Variants in TRMT1 observed in about 807,000 individuals in gnomAD.
TRMT1 encodes tRNA methyltransferase 1.
TRMT1 carries 63 observed loss-of-function variants against 75.4 expected under a neutral mutation model. The observed-to-expected ratio is 0.84, with a 90% CI of 0.68 to 1.03. The LOEUF is 1.03. Among genes scored for constraint, TRMT1 ranks in the 50% least tolerant of loss-of-function variants. The pLI is 0.00. For synonymous variants in TRMT1, 382 were observed against 358.1 expected (o/e 1.07, Z -0.75); for missense variants, 870 against 905.3 (o/e 0.96, Z 0.50).
chr19:13,105,110 C>T (rs749771351), intron 16 of TRMT1, 29 bp from the exon 17 acceptor site: 10 of 1,559,150 alleles, frequency 6.4e-6, no homozygotes, highest in Admixed American at 5.5e-5. Context: ...GTGTGAACCC[C>T]TGCCCGGAGC....
In TRMT1 at chr19:13,109,367, C is replaced by G; in HGVS notation, c.1397+14G>C. On this transcript the variant is annotated intron_variant, in intron 12 of 16. Transcript: ENST00000357720. ...GGTCTGGGACAGGCTCCTCCCGACCCCAGGGGCTCTTACCGCAACTGCAGG... is the reference window on the plus strand; with the variant it reads ...GGTCTGGGACAGGCTCCTCCCGACCGCAGGGGCTCTTACCGCAACTGCAGG... 6.2e-7 allele frequency: 1 copy of G among 1,612,190 alleles called. No individual in the cohort carries two copies.
rs770329038 is a variant in TRMT1 at position 13,109,381 on chromosome 19, C to T, written c.1397G>A (p.Arg466Gln). ...TCCTCCCGACCCCAGGGGCTCTTAC[C>T]GCAACTGCAGGAGGCTTGGTGTGTT... ...HCNTPSLLQL[R>Q]SALLHADFRV... The change falls in exon 12 of 17, where the codon CGG (arginine) becomes CAG (glutamine). Residue 466 changes from arginine to glutamine, a missense_variant and splice_region_variant. By Grantham distance (43) the Arg-to-Gln change is conservative. Transcript: ENST00000357720. 1.6e-5 allele frequency: 25 copies of T among 1,612,298 alleles called. No homozygotes were observed. Among genetic ancestry groups the T allele is most frequent in the South Asian group, 8.8e-5 (8 of 90,978 alleles).
chr19:13,107,072 G>A (rs1286947102), intron 14 of TRMT1, among the ~76,000 whole-genome samples: 2 of 147,620 alleles, frequency 1.4e-5, no homozygotes, highest in Non-Finnish European at 3.0e-5. Flanking sequence ...TCCTGATCTC[G>A]TGATCCGCCT....
At chr19:13,110,464 C>A (rs1006668501) in intron 7 of TRMT1, among the ~76,000 whole-genome samples, 158 bp from the exon 8 acceptor site, 1 of 152,242 alleles carries the variant, frequency 6.6e-6, no homozygotes, top group Non-Finnish European at 1.5e-5. Flanking sequence ...AAGTGAGTAT[C>A]CCCTCTCTGT....
Position 13,105,591 on chromosome 19 carries a change from G to A in TRMT1, c.1599C>T (p.Phe533=), listed in dbSNP as rs1259274719. 6.2e-7 allele frequency: 1 copy of A among 1,613,682 alleles called. No individual in the cohort carries two copies. Among genetic ancestry groups the A allele is most frequent in the Non-Finnish European group, 8.5e-7 (1 of 1,179,888 alleles). ...LSVEPRLQAN[F]TIREDANPSS... is the part of the protein sequence containing the mutation. ...TGGGGTTGGCATCTTCCCGGATGGTGAAGTTGGCCTGCAGCCTAGGGAAGC... is the reference window on the plus strand; with the variant it reads ...TGGGGTTGGCATCTTCCCGGATGGTAAAGTTGGCCTGCAGCCTAGGGAAGC... The change falls in exon 15 of 17, where the codon TTC becomes TTT. Residue 533 remains phenylalanine, a synonymous_variant. Transcript: ENST00000357720.
At position 13,115,307 on chromosome 19, in the gene TRMT1, G is replaced by A; in HGVS notation, c.613C>T (p.Leu205=). The change falls in exon 5 of 17, where the codon CTG becomes TTG. Residue 205 remains leucine (L), a synonymous_variant. Transcript: ENST00000357720. The part of the protein sequence containing the change: ...RNVQLNDVAH[L]VQPSQADARM... The stretch of plus-strand genomic sequence containing the variant: ...GCATCTGCTTGGCTCGGCTGTACCA[G>A]GTGGGCCACGTCATTGAGCTGGACA... 1.9e-6 allele frequency: 3 copies of A among 1,613,648 alleles called. No homozygotes were observed. Among genetic ancestry groups the A allele is most frequent in the Non-Finnish European group, 2.5e-6 (3 of 1,179,842 alleles).
In TRMT1 at chr19:13,115,662, G is replaced by A; in HGVS notation, c.417C>T (p.Asp139=). 1.2e-6 allele frequency: 2 copies of A among 1,613,986 alleles called. No individual in the cohort carries two copies. The highest frequency in any genetic ancestry group is 1.7e-6 in the Non-Finnish European group (2 of 1,180,020). ...CCCCCACGGCCGCTGTGCGAGGTTG[G>A]TCTCCTGAGGCCAGGTTTTCACTCT... The part of the protein sequence containing the change: ...LKESENLASG[D]QPRTAAVGEI... The change falls in exon 4 of 17, where the codon GAC becomes GAT. Residue 139 remains aspartate (D), a synonymous_variant. Transcript: ENST00000357720.
chr19:13,116,492 GATGTCCTAC>G, intron 1 of TRMT1, 61 bp from the exon 2 acceptor site: 1 of 1,496,592 alleles, frequency 6.7e-7, no homozygotes, highest in Non-Finnish European at 8.9e-7. Flanking sequence ...CGGGCCCGGG[GATGTCCTAC>G]ATATCTATGA....
Position 13,107,597 on chromosome 19 carries a change from G to C in TRMT1, c.1560C>G (p.Phe520Leu). ...RERLSETSPA[F>L]RILSVEPRLQ... Reference sequence around the variant, plus strand: ...ACCTGGGCTCCACACTGAGAATGCGGAACGCTGGGCTAGTCTCTGATAGTC... The same window carrying C: ...ACCTGGGCTCCACACTGAGAATGCGCAACGCTGGGCTAGTCTCTGATAGTC... The change falls in exon 14 of 17, where the codon TTC (phenylalanine) becomes TTG (leucine). Residue 520 changes from phenylalanine (F) to leucine (L), a missense_variant. Coordinates refer to ENST00000357720, the MANE Select transcript of TRMT1 (RefSeq NM_001136035.4). The C allele has an allele frequency of 6.2e-7, 1 of 1,607,432 alleles. No homozygotes were observed. The highest frequency in any genetic ancestry group is 1.1e-5 in the South Asian group (1 of 89,802).
chr19:13,116,392 C>G lies in TRMT1; in HGVS notation c.8G>C (p.Gly3Ala), dbSNP rs762883978. The change falls in exon 2 of 17, where the codon GGA becomes GCA. Residue 3 changes from glycine to alanine, a missense_variant. By Grantham distance (60) the Gly-to-Ala change is moderately conservative. Transcript: ENST00000357720. MQGSSLWLSLTFR... is the reference protein window; with the variant it reads MQASSLWLSLTFR... ...AGTGAGGCTTAGCCACAGAGACGAT[C>G]CTTGCATGAGACATCCGCTGGCGCC... The G allele has an allele frequency of 4.4e-6, 7 of 1,600,498 alleles. No individual in the cohort carries two copies. Among genetic ancestry groups the G allele is most frequent in the Non-Finnish European group, 6.0e-6 (7 of 1,175,624 alleles).
chr19:13,111,417 CT>C (rs1470350331), intron 7 of TRMT1, among the ~76,000 whole-genome samples: 2 of 143,398 alleles, frequency 1.4e-5, no homozygotes, highest in African/African-American at 5.2e-5. Flanking sequence ...GAGTTTTGCT[CT>C]TGTTGCCCAG....
At position 13,105,340 on chromosome 19, in the gene TRMT1, C is replaced by G. The variant is rs748672881; in HGVS notation, c.1760G>C (p.Arg587Pro). 6.2e-7 allele frequency: 1 copy of G among 1,613,966 alleles called. No homozygotes were observed. Among genetic ancestry groups the G allele is most frequent in the Non-Finnish European group, 8.5e-7 (1 of 1,180,026 alleles). The change falls in exon 16 of 17, where the codon CGG (arginine) becomes CCG (proline). Residue 587 changes from arginine (R) to proline (P), a missense_variant. Coordinates refer to ENST00000357720, the MANE Select transcript of TRMT1 (RefSeq NM_001136035.4). ...GGCCACATCTTCCGGCGGCTCCTTCCGCTTGTTCTGAAGCAGCCTGCGTCT... is the reference window on the plus strand; with the variant it reads ...GGCCACATCTTCCGGCGGCTCCTTCGGCTTGTTCTGAAGCAGCCTGCGTCT... ...EERRRLLQNK[R>P]KEPPEDVAQR...
intron 12 of TRMT1, 94 bp downstream of exon 12, chr19:13,109,287 C>A: frequency 2.1e-6 from 3 of 1,427,254 alleles, no homozygotes; most frequent in Non-Finnish European, 2.9e-6. Flanking sequence ...GTTCTCCCCA[C>A]CCCCTCGCAA....
intron 5 of TRMT1, 78 bp downstream of exon 5, chr19:13,115,201 G>A: frequency 6.9e-7 from 1 of 1,457,174 alleles, no homozygotes; most frequent in Non-Finnish European, 9.2e-7. Context: ...CAAGGTCACA[G>A]AGTGAGAATG....
At chr19:13,109,185 G>T (rs2019018906) in intron 12 of TRMT1, among the ~76,000 whole-genome samples, 196 bp downstream of exon 12, 1 of 151,142 alleles carries the variant, frequency 6.6e-6, no homozygotes, top group Non-Finnish European at 1.5e-5. Flanking sequence ...TTAGAGATAG[G>T]GTCTTACTAC....
At chr19:13,105,216 A>G in intron 16 of TRMT1, 51 bp downstream of exon 16, 7 of 1,579,510 alleles carry the variant, frequency 4.4e-6, no homozygotes, top group Non-Finnish European at 6.0e-6. Context: ...CTGTTGCCCA[A>G]AGGGGAGACT....
chr19:13,116,285 T>C lies in TRMT1; in HGVS notation c.115A>G (p.Asn39Asp), dbSNP rs1416704464. 1 of 1,614,056 alleles carries C rather than the reference T, an allele frequency of 6.2e-7. No individual in the cohort carries two copies. Among genetic ancestry groups the C allele is most frequent in the South Asian group, 1.1e-5 (1 of 91,082 alleles). The change falls in exon 2 of 17, where the codon AAC (asparagine) becomes GAC (aspartate). Residue 39 changes from asparagine to aspartate, a missense_variant. Asn to Asp is a conservative substitution (Grantham distance 23, BLOSUM62 1). Transcript: ENST00000357720. ...PGLPNTAAME[N>D]GTGPYGEERP... is the part of the protein sequence containing the mutation. ...TCTTCTCCGTAGGGCCCGGTGCCGTTCTCCATCGCTGCTGTATTCGGCAGC... is the reference window on the plus strand; with the variant it reads ...TCTTCTCCGTAGGGCCCGGTGCCGTCCTCCATCGCTGCTGTATTCGGCAGC...
At chr19:13,116,612 C>G in intron 1 of TRMT1, 41 bp downstream of exon 1, 2 of 669,834 alleles carry the variant, frequency 3.0e-6, no homozygotes, top group Non-Finnish European at 4.9e-6. Context: ...AGGCCCGCCC[C>G]GAGTCCGAAT....
At chr19:13,109,875 A>G (rs762472096) in intron 9 of TRMT1, 37 bp from the exon 10 acceptor site, 2 of 1,613,814 alleles carry the variant, frequency 1.2e-6, no homozygotes, top group Non-Finnish European at 1.7e-6. Context: ...GAGGGAGGAA[A>G]ACCCTGGGAC....
Sources: gnomAD v4.1 joint callset for allele counts (sites outside exome capture counted in the v4.1 genomes callset) on GRCh38, gnomAD v4.1.1 for gene constraint, MANE v1.5 for transcripts, NCBI Gene and HGNC (gene_info 2026-07-23, HGNC 2026-07-21) for gene names.